The following CLVS1 variants were observed in gnomAD, a reference collection of about 807,000 sequenced individuals.
The protein encoded by CLVS1 is clavesin 1, also known as clavesin-1.
Under a neutral mutation model 33.1 loss-of-function variants are expected in CLVS1, and 10 were observed. That is an observed-to-expected ratio of 0.30 (90% CI 0.19 to 0.51). The LOEUF (loss-of-function observed/expected upper bound fraction) is 0.51. Ranked by LOEUF, CLVS1 falls within the 20% of genes least tolerant of loss-of-function variation. The pLI is 0.97. For synonymous variants in CLVS1, 163 were observed against 166.1 expected (o/e 0.98, Z 0.14); for missense variants, 343 against 433.4 (o/e 0.79, Z 1.85).
chr8:61,351,313 G>T (rs988811830), intron 2 of CLVS1, among the ~76,000 whole-genome samples: 1 of 152,074 alleles, frequency 6.6e-6, no homozygotes, highest in African/African-American at 2.4e-5. Context: ...AACTTGAAAT[G>T]ATAGGTTCAA....
intron 2 of CLVS1, among the ~76,000 whole-genome samples, chr8:61,319,376 T>C (rs976306126): frequency 6.6e-6 from 1 of 152,200 alleles, no homozygotes; most frequent in Non-Finnish European, 1.5e-5. Flanking sequence ...TTTTGGCTCA[T>C]TATTTCCCCC....
chr8:61,122,547 T>C (rs969446312), intron 1 of CLVS1, among the ~76,000 whole-genome samples: 1 of 145,032 alleles, frequency 6.9e-6, no homozygotes, highest in East Asian at 2.0e-4. Flanking sequence ...AACGTGTGAA[T>C]GACATCAGCC....
chr8:61,120,019 G>A (rs1447606418), intron 1 of CLVS1, among the ~76,000 whole-genome samples: 82 of 147,048 alleles, frequency 5.6e-4, no homozygotes, highest in African/African-American at 1.8e-3. Flanking sequence ...CCAATCAGAC[G>A]TAGATTTGGT....
intron 1 of CLVS1, among the ~76,000 whole-genome samples, chr8:61,063,283 G>GAGAGAGAA (rs1804616588): frequency 8.2e-6 from 1 of 122,354 alleles, no homozygotes; most frequent in Non-Finnish European, 1.7e-5. Context: ...GAGAGAGAGA[G>GAGAGAGAA]AGAGAGAGAG....
In CLVS1 at chr8:61,325,739, A is replaced by G. The variant is rs150206889; in HGVS notation, c.455+25457A>G. ...GTGATTTGATGTTTGTGTTAGGACC[A>G]TCTCATACATCGATAATTGTTTGCT... On this transcript the variant is annotated intron_variant, in intron 2 of 5. Coordinates refer to ENST00000325897, the MANE Select transcript of CLVS1 (RefSeq NM_173519.3). Among the ~76,000 whole-genome samples the G allele has an allele frequency of 1.5e-3, 221 of 152,302 alleles. 1 individual carries two copies. The highest frequency in any genetic ancestry group is 3.4e-3 in the Middle Eastern group (1 of 294).
At chr8:61,109,981 G>T (rs1805597494) in intron 1 of CLVS1, among the ~76,000 whole-genome samples, 2 of 152,170 alleles carry the variant, frequency 1.3e-5, no homozygotes, top group Admixed American at 6.5e-5. Flanking sequence ...AAATTACCCA[G>T]TGCCAGGTAG....
intron 2 of CLVS1, among the ~76,000 whole-genome samples, chr8:61,164,190 T>C (rs1392943241): frequency 2.6e-5 from 4 of 152,202 alleles, no homozygotes; most frequent in Non-Finnish European, 4.4e-5. Flanking sequence ...TGTTTAAAGA[T>C]GGGTGCGGTC....
intron 1 of CLVS1, among the ~76,000 whole-genome samples, chr8:61,106,025 T>A (rs1027598040): frequency 6.6e-6 from 1 of 152,242 alleles, no homozygotes. Context: ...TGTGTTCCTG[T>A]GTACTACAGC....
chr8:61,165,185 G>A lies in CLVS1; in HGVS notation c.-152+33325G>A, dbSNP rs567887762. ...CAACGGGCACCTCCTTGGATAAGGAGCATAGCAGACACCCTGCTGGATCCG... is the reference window on the plus strand; with the variant it reads ...CAACGGGCACCTCCTTGGATAAGGAACATAGCAGACACCCTGCTGGATCCG... On this transcript the variant is annotated intron_variant, in intron 2 of 2. Transcript: ENST00000522621. Among the ~76,000 whole-genome samples the A allele has an allele frequency of 6.9e-4, 105 of 152,368 alleles. 1 individual carries two copies. The highest frequency in any genetic ancestry group is 2.5e-3 in the African/African-American group (102 of 41,584).
chr8:61,241,306 G>T (rs932336759), intron 2 of CLVS1, among the ~76,000 whole-genome samples: 6 of 152,060 alleles, frequency 3.9e-5, no homozygotes, highest in Non-Finnish European at 8.8e-5. Flanking sequence ...GTGATTATTT[G>T]ATGTTTTTAA....
At chr8:61,363,033 G>A (rs539075810) in intron 2 of CLVS1, among the ~76,000 whole-genome samples, 132 of 152,296 alleles carry the variant, frequency 8.7e-4, no homozygotes, top group South Asian at 2.1e-3. Flanking sequence ...TCATCAACTT[G>A]TAGCAGGCAA....
chr8:61,324,920 A>G (rs1308176621), intron 2 of CLVS1, among the ~76,000 whole-genome samples: 1 of 152,126 alleles, frequency 6.6e-6, no homozygotes, highest in Admixed American at 6.6e-5. Context: ...CATACACCCA[A>G]CATACCATGG....
intron 2 of CLVS1, among the ~76,000 whole-genome samples, chr8:61,133,166 T>G (rs905456974): frequency 6.6e-6 from 1 of 152,030 alleles, no homozygotes; most frequent in Non-Finnish European, 1.5e-5. Context: ...CCTCAAGGAG[T>G]TAGCCTGTAG....
chr8:61,122,716 G>A (rs776604110), intron 1 of CLVS1, among the ~76,000 whole-genome samples: 2 of 152,124 alleles, frequency 1.3e-5, no homozygotes, highest in Non-Finnish European at 2.9e-5. Flanking sequence ...ACCAGAGGAG[G>A]CTGCAACTGC....
intron 3 of CLVS1, chr8:61,377,685 G>A (rs1024375470): frequency 7.9e-5 from 12 of 152,140 alleles, no homozygotes; most frequent in African/African-American, 2.9e-4. Flanking sequence ...GCAATAATTG[G>A]TGGGTCTGTT....
chr8:61,269,027 T>C lies in CLVS1; in HGVS notation c.-151-30650T>C, dbSNP rs1169519060. Among the ~76,000 whole-genome samples, 4 of 145,104 alleles carry C rather than the reference T, an allele frequency of 2.8e-5. No homozygotes were observed. The East Asian group carries it at 8.0e-4, about 29-fold the overall frequency. ...GCAGAAGCTCTTTAGTTTAATTAGATCCCATTTGTCAATTTTGTCTTTTGT... is the reference window on the plus strand; with the variant it reads ...GCAGAAGCTCTTTAGTTTAATTAGACCCCATTTGTCAATTTTGTCTTTTGT... On this transcript the variant is annotated intron_variant, in intron 2 of 2. Coordinates refer to the CLVS1 transcript ENST00000522621.
intron 2 of CLVS1, among the ~76,000 whole-genome samples, chr8:61,362,742 T>G (rs1813040900): frequency 6.6e-6 from 1 of 152,198 alleles, no homozygotes; most frequent in Non-Finnish European, 1.5e-5. Context: ...CCTTGCCTGA[T>G]TCTATCTGAA....
intron 2 of CLVS1, among the ~76,000 whole-genome samples, chr8:61,206,878 C>T (rs1247258126): frequency 1.3e-5 from 2 of 152,142 alleles, no homozygotes; most frequent in Non-Finnish European, 2.9e-5. Flanking sequence ...TGAGCCAGTG[C>T]GCCCGGCATC....
At chr8:61,099,270 A>G (rs549538940) in intron 1 of CLVS1, among the ~76,000 whole-genome samples, 1 of 152,082 alleles carries the variant, frequency 6.6e-6, no homozygotes, top group South Asian at 2.1e-4. Context: ...CCAAAAGGAG[A>G]GTTAATGTTT....
Sources: gnomAD v4.1 joint callset for allele counts (sites outside exome capture counted in the v4.1 genomes callset) on GRCh38, gnomAD v4.1.1 for gene constraint, MANE v1.5 for transcripts, NCBI Gene and HGNC (gene_info 2026-07-23, HGNC 2026-07-21) for gene names.